RREB1: variants seen among roughly 807,000 people sequenced by gnomAD.
The protein encoded by RREB1 is ras responsive element binding protein 1, also known as ras-responsive element-binding protein 1.
In RREB1, 27 loss-of-function variants were observed where a neutral mutation model predicts 117.8. The observed-to-expected ratio is 0.23, with a 90% CI of 0.17 to 0.32. The LOEUF (loss-of-function observed/expected upper bound fraction) is 0.32. Among genes scored for constraint, RREB1 ranks in the 10% least tolerant of loss-of-function variants. RREB1 has a pLI of 1.00. For missense variants in RREB1, 2,577 were observed against 2,378.2 expected, an observed-to-expected ratio of 1.08 and a Z score of -1.74; for synonymous variants, 1,298 against 1,026.7, an observed-to-expected ratio of 1.26 and a Z score of -5.05.
intron 6 of RREB1, among the ~76,000 whole-genome samples, chr6:7,201,432 C>T (rs1284553281): frequency 6.6e-6 from 1 of 152,056 alleles, no homozygotes; most frequent in African/African-American, 2.4e-5. Flanking sequence ...AACACTGAAG[C>T]GTGCCCACTC....
intron 1 of RREB1, among the ~76,000 whole-genome samples, chr6:7,128,477 C>A (rs964554988): frequency 1.3e-5 from 2 of 152,122 alleles, no homozygotes; most frequent in African/African-American, 4.8e-5. Context: ...GTAATCATCT[C>A]AACAACTTCA....
At chr6:7,202,296 A>C (rs1052607569) in intron 6 of RREB1, among the ~76,000 whole-genome samples, 2 of 152,192 alleles carry the variant, frequency 1.3e-5, no homozygotes, top group African/African-American at 4.8e-5. Flanking sequence ...GTGACTTAGC[A>C]CTGCCCTATC....
chr6:7,210,083 T>C (rs1477691173), intron 6 of RREB1, among the ~76,000 whole-genome samples: 2 of 152,284 alleles, frequency 1.3e-5, no homozygotes, highest in Non-Finnish European at 2.9e-5. Context: ...GTAAGGTCAC[T>C]TAAGTTGAAT....
chr6:7,240,699 C>A, intron 11 of RREB1, 97 bp downstream of exon 11: 1 of 1,099,272 alleles, frequency 9.1e-7, no homozygotes, highest in Non-Finnish European at 1.3e-6. Flanking sequence ...GGAGGGGCTG[C>A]TTGTTCACTT....
intron 1 of RREB1, among the ~76,000 whole-genome samples, chr6:7,124,131 C>T (rs1030916105): frequency 6.6e-6 from 1 of 152,082 alleles, no homozygotes. Flanking sequence ...AGAGTTTTGT[C>T]GTTGATTTTA....
chr6:7,243,814 C>A (rs1475361813), intron 11 of RREB1, among the ~76,000 whole-genome samples: 1 of 151,342 alleles, frequency 6.6e-6, no homozygotes, highest in Non-Finnish European at 1.5e-5. Context: ...GGTTTTGTTT[C>A]AAAATTTATT....
intron 1 of RREB1, among the ~76,000 whole-genome samples, chr6:7,135,015 A>T (rs1762293003): frequency 2.0e-5 from 3 of 152,252 alleles, no homozygotes; most frequent in African/African-American, 7.2e-5. Flanking sequence ...GCCAGATTGT[A>T]AGAAACATTT....
chr6:7,122,433 T>G (rs1282292744), intron 1 of RREB1, among the ~76,000 whole-genome samples: 1 of 152,234 alleles, frequency 6.6e-6, no homozygotes, highest in Admixed American at 6.5e-5. Context: ...GCCTGGCTAA[T>G]TTTTAAAATT....
chr6:7,207,601 C>T (rs1023327290), intron 6 of RREB1, among the ~76,000 whole-genome samples: 1 of 152,180 alleles, frequency 6.6e-6, no homozygotes, highest in African/African-American at 2.4e-5. Flanking sequence ...ATAGTGCCAG[C>T]CATGTGCCCT....
chr6:7,218,216 T>G (rs1038099686), intron 8 of RREB1: 1 of 152,178 alleles, frequency 6.6e-6, no homozygotes, highest in Non-Finnish European at 1.5e-5. Flanking sequence ...AAAAAGAAAA[T>G]TCACCCTTCT....
chr6:7,211,892 C>G, intron 8 of RREB1, 183 bp downstream of exon 8: 1 of 629,064 alleles, frequency 1.6e-6, no homozygotes. Flanking sequence ...CAGAGGGTGG[C>G]TGTATCCACA....
Position 7,230,384 on chromosome 6 carries a change from T to C in RREB1, c.2285T>C (p.Leu762Pro). Residue 762 changes from leucine (L) to proline (P), a missense_variant, in exon 10 of 13, where the codon CTC (leucine) becomes CCC (proline). Transcript: ENST00000379938. ...DTVCRLCGED[L>P]KHYRALRIHM... Reference sequence around the variant, plus strand: ...GTGTGCCGGCTGTGCGGCGAGGACCTCAAGCACTATCGTGCCCTGCGCATC... The same window carrying C: ...GTGTGCCGGCTGTGCGGCGAGGACCCCAAGCACTATCGTGCCCTGCGCATC... 6.3e-7 allele frequency: 1 copy of C among 1,592,484 alleles called. No homozygotes were observed. The highest frequency in any genetic ancestry group is 8.5e-7 in the Non-Finnish European group (1 of 1,174,386).
intron 10 of RREB1, among the ~76,000 whole-genome samples, chr6:7,237,406 G>A (rs1414387867): frequency 9.4e-5 from 14 of 148,376 alleles, no homozygotes; most frequent in African/African-American, 2.8e-4. Context: ...ATTATTATTT[G>A]TTATAGAGAC....
intron 6 of RREB1, among the ~76,000 whole-genome samples, chr6:7,192,256 G>C (rs1345352833): frequency 6.6e-6 from 1 of 151,232 alleles, no homozygotes; most frequent in Non-Finnish European, 1.5e-5. Flanking sequence ...GCAGTGGCGT[G>C]ATCTCGGCTC....
chr6:7,140,719 G>A (rs1021434968), intron 1 of RREB1: 2 of 152,272 alleles, frequency 1.3e-5, no homozygotes, highest in African/African-American at 2.4e-5. Context: ...CCATGACTAA[G>A]GCTGAAGTGG....
At chr6:7,140,600 G>A (rs1561739660) in intron 1 of RREB1, 1 of 152,216 alleles carries the variant, frequency 6.6e-6, no homozygotes, top group Non-Finnish European at 1.5e-5. Context: ...GAACATTTGA[G>A]AAATTACTGA....
chr6:7,226,794 T>C (rs1215305088), intron 9 of RREB1, 138 bp downstream of exon 9: 20 of 694,836 alleles, frequency 2.9e-5, no homozygotes. Context: ...AACACCTTTT[T>C]TCTTAAAATT....
intron 8 of RREB1, among the ~76,000 whole-genome samples, chr6:7,223,917 C>A (rs2842373): frequency 0.4 from 60,643 of 152,022 alleles, 14,033 homozygotes; most frequent in African/African-American, 0.65. Flanking sequence ...GTAATAATTT[C>A]TTATAATTTA....
At chr6:7,237,396 A>T (rs11243146) in intron 10 of RREB1, among the ~76,000 whole-genome samples, 74,335 of 145,662 alleles carry the variant, frequency 0.51, 18,564 homozygotes, top group Non-Finnish European at 0.52. Flanking sequence ...TTTTTTTTTT[A>T]TTATTATTTG....
Sources: gnomAD v4.1 joint callset for allele counts (sites outside exome capture counted in the v4.1 genomes callset) on GRCh38, gnomAD v4.1.1 for gene constraint, MANE v1.5 for transcripts, NCBI Gene and HGNC (gene_info 2026-07-23, HGNC 2026-07-21) for gene names.